EBF1: variants seen among roughly 807,000 people sequenced by gnomAD.
The protein encoded by EBF1 is transcription factor COE1.
A neutral mutation model predicts 68.4 loss-of-function variants in EBF1; 10 were observed. The observed-to-expected ratio is 0.15, with a 90% CI of 0.09 to 0.25. EBF1 has a LOEUF of 0.25. EBF1 is among the 10% of genes least tolerant of loss of function. The probability of loss-of-function intolerance (pLI) is 1.00; values close to 1 mark genes in which losing one functional copy is unlikely to be tolerated. For missense variants in EBF1, 509 were observed against 794.4 expected (o/e 0.64, Z 4.32); for synonymous variants, 298 against 299.8 (o/e 0.99, Z 0.06).
intron 10 of EBF1, among the ~76,000 whole-genome samples, chr5:158,764,719 T>C (rs1411633430): frequency 6.6e-6 from 1 of 152,152 alleles, no homozygotes; most frequent in Admixed American, 6.6e-5. Flanking sequence ...AAGCCCCCAG[T>C]CTAACTAGTG....
At chr5:158,947,992 A>G (rs140466924) in intron 6 of EBF1, among the ~76,000 whole-genome samples, 1 of 152,360 alleles carries the variant, frequency 6.6e-6, no homozygotes, top group African/African-American at 2.4e-5. Flanking sequence ...ATTTCAGCAT[A>G]TACTGAAGAA....
chr5:159,080,293 G>A (rs1779519172), intron 5 of EBF1, among the ~76,000 whole-genome samples: 1 of 152,054 alleles, frequency 6.6e-6, no homozygotes, highest in African/African-American at 2.4e-5. Context: ...TCTCTGAATA[G>A]ACATAGCCCT....
intron 6 of EBF1, among the ~76,000 whole-genome samples, chr5:158,979,280 C>A (rs1006433564): frequency 3.3e-5 from 5 of 152,130 alleles, no homozygotes; most frequent in African/African-American, 1.2e-4. Flanking sequence ...TACACATTAT[C>A]TTAAAATTCA....
chr5:158,844,240 C>T (rs1790949616), intron 6 of EBF1, among the ~76,000 whole-genome samples: 1 of 146,788 alleles, frequency 6.8e-6, no homozygotes, highest in Non-Finnish European at 1.5e-5. Context: ...AGAAACTCGA[C>T]ATCTTTCTGT....
intron 6 of EBF1, among the ~76,000 whole-genome samples, chr5:158,875,041 GCACACACACACACATA>G (rs1797562220): frequency 9.8e-6 from 1 of 102,354 alleles, no homozygotes; most frequent in Non-Finnish European, 1.9e-5. Context: ...ACACACACAA[GCACACACACACACATA>G]CACACACACA....
Position 158,712,244 on chromosome 5 carries a change from T to C in EBF1, c.1459A>G (p.Ser487Gly). 6.2e-7 allele frequency: 1 copy of C among 1,614,018 alleles called. No homozygotes were observed. The highest frequency in any genetic ancestry group is 8.5e-7 in the Non-Finnish European group (1 of 1,179,960). The change falls in exon 14 of 16, where the codon AGC becomes GGC. Residue 487 changes from serine to glycine, a missense_variant. Coordinates refer to ENST00000313708, the MANE Select transcript of EBF1 (RefSeq NM_024007.5). ...GCGGCAGAGCCGTATCCGTTCATGC[T>C]CGTGGTGACGGAGTTATAGTTGGTC... Reference protein sequence around the residue: ...QQTNYNSVTTSMNGYGSAAMS... With the variant: ...QQTNYNSVTTGMNGYGSAAMS...
chr5:158,835,502 G>A (rs1447314204), intron 7 of EBF1, among the ~76,000 whole-genome samples: 2 of 152,160 alleles, frequency 1.3e-5, no homozygotes, highest in African/African-American at 4.8e-5. Flanking sequence ...GTGTGTCAAT[G>A]TTCTTCATGC....
intron 6 of EBF1, among the ~76,000 whole-genome samples, chr5:158,981,873 T>A (rs919840713): frequency 3.3e-5 from 5 of 152,048 alleles, no homozygotes; most frequent in Admixed American, 6.5e-5. Flanking sequence ...AAAAAAAAAA[T>A]TAAAAGTCCA....
At chr5:159,024,130 T>C (rs760143450) in intron 6 of EBF1, among the ~76,000 whole-genome samples, 1 of 152,158 alleles carries the variant, frequency 6.6e-6, no homozygotes, top group African/African-American at 2.4e-5. Context: ...CCCCAGATGC[T>C]GAGATCCTGG....
intron 6 of EBF1, among the ~76,000 whole-genome samples, chr5:159,058,341 C>T (rs192368658): frequency 1.5e-3 from 221 of 152,330 alleles, no homozygotes; most frequent in Admixed American, 3.9e-3. Context: ...TTAGGACCAT[C>T]AGCAGAAGCA....
chr5:158,763,006 G>A (rs1771825131), intron 10 of EBF1, among the ~76,000 whole-genome samples: 2 of 152,162 alleles, frequency 1.3e-5, no homozygotes, highest in Admixed American at 6.5e-5. Context: ...ACACAGCACA[G>A]ATCTCTTCTC....
At chr5:158,920,194 T>C (rs549413084) in intron 6 of EBF1, among the ~76,000 whole-genome samples, 1 of 145,392 alleles carries the variant, frequency 6.9e-6, no homozygotes, top group South Asian at 2.1e-4. Context: ...TACACACATA[T>C]GCTTAATGTA....
chr5:159,041,225 G>A (rs535496595), intron 6 of EBF1, among the ~76,000 whole-genome samples: 1 of 152,136 alleles, frequency 6.6e-6, no homozygotes, highest in Non-Finnish European at 1.5e-5. Flanking sequence ...ACTCATCCCT[G>A]CTATGAAAAC....
At chr5:158,827,725 A>G (rs149549779) in intron 7 of EBF1, among the ~76,000 whole-genome samples, 3 of 152,344 alleles carry the variant, frequency 2.0e-5, no homozygotes, top group South Asian at 2.1e-4. Context: ...GCTAAATTCA[A>G]TCATGAGTGG....
At chr5:158,742,012 C>T (rs887576732) in intron 10 of EBF1, among the ~76,000 whole-genome samples, 5 of 152,162 alleles carry the variant, frequency 3.3e-5, no homozygotes, top group Admixed American at 1.3e-4. Context: ...CTAAATCCAC[C>T]GAGCTAATGA....
chr5:158,907,343 T>C (rs1032895366), intron 6 of EBF1, among the ~76,000 whole-genome samples: 4 of 152,210 alleles, frequency 2.6e-5, no homozygotes, highest in African/African-American at 9.6e-5. Flanking sequence ...AACAAAGTTT[T>C]TTCAAATAAT....
chr5:158,826,426 A>G (rs1786136261), intron 7 of EBF1, among the ~76,000 whole-genome samples: 1 of 152,210 alleles, frequency 6.6e-6, no homozygotes, highest in African/African-American at 2.4e-5. Flanking sequence ...TGCCTACTGC[A>G]TTGGACACGG....
At chr5:158,875,071 A>ACACACACAC (rs1364152175) in intron 6 of EBF1, among the ~76,000 whole-genome samples, 9 of 151,440 alleles carry the variant, frequency 5.9e-5, no homozygotes, top group Non-Finnish European at 1.0e-4. Flanking sequence ...ACACACACAC[A>ACACACACAC]CACACACACA....
At chr5:158,734,022 A>C (rs759177617) in intron 10 of EBF1, among the ~76,000 whole-genome samples, 1 of 152,232 alleles carries the variant, frequency 6.6e-6, no homozygotes, top group African/African-American at 2.4e-5. Flanking sequence ...ATGGAATAGA[A>C]TATGATGCCA....
Sources: gnomAD v4.1 joint callset for allele counts (sites outside exome capture counted in the v4.1 genomes callset) on GRCh38, gnomAD v4.1.1 for gene constraint, MANE v1.5 for transcripts, NCBI Gene and HGNC (gene_info 2026-07-23, HGNC 2026-07-21) for gene names.